PHC3: variants seen among roughly 807,000 people sequenced by gnomAD.
PHC3 encodes the protein polyhomeotic-like protein 3.
PHC3 carries 13 observed loss-of-function variants against 107.4 expected under a neutral mutation model. That is an observed-to-expected ratio of 0.12 (90% CI 0.08 to 0.19). The LOEUF is 0.19. PHC3 is among the 10% of genes least tolerant of loss of function. PHC3 has a pLI of 1.00. For synonymous variants in PHC3, 456 were observed against 427.4 expected, an observed-to-expected ratio of 1.07 and a Z score of -0.83; for missense variants, 992 against 1,210.9, an observed-to-expected ratio of 0.82 and a Z score of 2.68.
At chr3:170,166,965 C>G (rs991773823) in intron 4 of PHC3, among the ~76,000 whole-genome samples, 2 of 152,114 alleles carry the variant, frequency 1.3e-5, no homozygotes, top group South Asian at 2.1e-4. Flanking sequence ...GGGGCATGTA[C>G]GTTTTAAAGT....
intron 2 of PHC3, among the ~76,000 whole-genome samples, chr3:170,176,108 C>T (rs1730422859): frequency 6.6e-6 from 1 of 151,424 alleles, no homozygotes; most frequent in African/African-American, 2.4e-5. Context: ...TGCCTGTAGT[C>T]CCAGCTGTTC....
chr3:170,109,805 T>C (rs1217606789), intron 11 of PHC3, among the ~76,000 whole-genome samples: 6 of 152,134 alleles, frequency 3.9e-5, no homozygotes, highest in Non-Finnish European at 2.9e-5. Flanking sequence ...CAGTTTATCC[T>C]TTATATGCTT....
Position 170,122,577 on chromosome 3 carries a change from T to C in PHC3, c.1942+14A>G. On this transcript the variant is annotated intron_variant, in intron 9 of 14. Transcript: ENST00000495893. ...CAAATAGAAAAATTCCCACAAATTT[T>C]GGTATTTTCTCACCTAACAAAGGAT... The C allele has an allele frequency of 6.2e-7, 1 of 1,612,304 alleles. No individual in the cohort carries two copies. Among genetic ancestry groups the C allele is most frequent in the South Asian group, 1.1e-5 (1 of 91,000 alleles).
At chr3:170,140,231 G>A (rs923848395) in intron 6 of PHC3, among the ~76,000 whole-genome samples, 2 of 149,286 alleles carry the variant, frequency 1.3e-5, no homozygotes, top group African/African-American at 4.9e-5. Flanking sequence ...GAAAAAAACA[G>A]CCCTTTGGAT....
At chr3:170,154,376 A>G (rs960153888) in intron 4 of PHC3, among the ~76,000 whole-genome samples, 1 of 152,190 alleles carries the variant, frequency 6.6e-6, no homozygotes, top group African/African-American at 2.4e-5. Flanking sequence ...CTTTTTTAAT[A>G]TCCTGATAGC....
chr3:170,144,187 A>G (rs1724583780), intron 6 of PHC3, among the ~76,000 whole-genome samples: 1 of 151,622 alleles, frequency 6.6e-6, no homozygotes, highest in Non-Finnish European at 1.5e-5. Context: ...AAAAAAGAAA[A>G]AAAATTAGCC....
At chr3:170,178,180 G>T (rs1730809589) in intron 2 of PHC3, among the ~76,000 whole-genome samples, 1 of 136,626 alleles carries the variant, frequency 7.3e-6, no homozygotes, top group Non-Finnish European at 1.5e-5. Flanking sequence ...GTCTCGTTCT[G>T]TCGCTCAGGC....
At chr3:170,133,816 A>C (rs1341442132) in intron 7 of PHC3, among the ~76,000 whole-genome samples, 2 of 152,182 alleles carry the variant, frequency 1.3e-5, no homozygotes, top group African/African-American at 2.4e-5. Context: ...AATAAGCTGC[A>C]ATTCAGAACC....
intron 9 of PHC3, among the ~76,000 whole-genome samples, chr3:170,121,473 T>C (rs1298786785): frequency 6.6e-6 from 1 of 152,216 alleles, no homozygotes; most frequent in Admixed American, 6.5e-5. Context: ...ATACGGGATA[T>C]TTGTTTGAAC....
In PHC3 at chr3:170,090,031, A is replaced by G. The variant is rs1002500172; in HGVS notation, c.*7199T>C. The G allele has an allele frequency of 6.6e-5, 10 of 151,788 alleles. No individual in the cohort carries two copies. The highest frequency in any genetic ancestry group is 2.4e-4 in the African/African-American group (10 of 41,326). The allele number at this position is 151,788 out of a possible 1,614,324, so 9.4% of individuals were successfully genotyped here. On this transcript the variant is annotated 3_prime_UTR_variant, in exon 15 of 15. Coordinates refer to ENST00000495893, the MANE Select transcript of PHC3 (RefSeq NM_024947.4). ...TTTTGTTCTGCCACATGCCTTGTATAGCAACAACTCTGGAATAGAGTCAAG... is the reference window on the plus strand; with the variant it reads ...TTTTGTTCTGCCACATGCCTTGTATGGCAACAACTCTGGAATAGAGTCAAG...
chr3:170,180,738 G>A (rs1026866930), intron 1 of PHC3, among the ~76,000 whole-genome samples: 25 of 152,062 alleles, frequency 1.6e-4, no homozygotes, highest in African/African-American at 5.1e-4. Flanking sequence ...CTTAAGTTCT[G>A]GTTTTTTAAA....
At chr3:170,164,604 A>C (rs1462055927) in intron 4 of PHC3, among the ~76,000 whole-genome samples, 2 of 152,194 alleles carry the variant, frequency 1.3e-5, no homozygotes, top group African/African-American at 2.4e-5. Context: ...AAACCTCAGA[A>C]GACCCCAAAA....
chr3:170,171,196 A>G (rs898866063), intron 4 of PHC3, 177 bp downstream of exon 4: 7 of 576,072 alleles, frequency 1.2e-5, no homozygotes, highest in East Asian at 6.0e-5. Context: ...TCAGATTTTC[A>G]TAAGTTTAAC....
chr3:170,125,263 A>C (rs1024922701), intron 8 of PHC3, among the ~76,000 whole-genome samples: 1 of 152,166 alleles, frequency 6.6e-6, no homozygotes, highest in Non-Finnish European at 1.5e-5. Context: ...GATAATGCCC[A>C]ATATAGGTAA....
Position 170,123,572 on chromosome 3 carries a change from G to A in PHC3, c.1789-828C>T, listed in dbSNP as rs998971480. ...GGGAGGCTGAGGTGGGTGGATCACC[G>A]GAGGTCAGGAGTTCCACAACAGCCT... On this transcript the variant is annotated intron_variant, in intron 8 of 14. Coordinates refer to ENST00000495893, the MANE Select transcript of PHC3 (RefSeq NM_024947.4). Among the ~76,000 whole-genome samples the A allele has an allele frequency of 1.1e-4, 17 of 152,004 alleles. 1 individual carries two copies.
intron 4 of PHC3, among the ~76,000 whole-genome samples, chr3:170,153,639 T>C (rs1392322696): frequency 1.3e-5 from 2 of 151,794 alleles, no homozygotes; most frequent in East Asian, 3.9e-4. Context: ...GGCGGGTGCC[T>C]GTAGTCCCAG....
rs972547648 is a variant in PHC3 at position 170,091,903 on chromosome 3, A to C, written c.*5327T>G. ...TTCCAAAGAAGGTAATCTAATTTTAAATTTATTTGAAGAAAGCTTATATAA... is the reference window on the plus strand; with the variant it reads ...TTCCAAAGAAGGTAATCTAATTTTACATTTATTTGAAGAAAGCTTATATAA... On this transcript the variant is annotated 3_prime_UTR_variant, in exon 15 of 15. Coordinates refer to ENST00000495893, the MANE Select transcript of PHC3 (RefSeq NM_024947.4). 1.3e-5 allele frequency: 2 copies of C among 152,358 alleles called. No individual in the cohort carries two copies. Among genetic ancestry groups the C allele is most frequent in the African/African-American group, 4.8e-5 (2 of 41,586 alleles). 9.4% of individuals were successfully genotyped at this position (152,358 alleles called of 1,614,324 possible).
chr3:170,149,643 AC>A (rs1001427963), intron 4 of PHC3, among the ~76,000 whole-genome samples: 4 of 151,982 alleles, frequency 2.6e-5, no homozygotes, highest in African/African-American at 9.7e-5. Context: ...TTTATTAGAG[AC>A]GGGGTTTCTC....
Position 170,091,627 on chromosome 3 carries a change from G to GTAGAAAA in PHC3, c.*5596_*5602dup, listed in dbSNP as rs1314065829. The GTAGAAAA allele has an allele frequency of 6.6e-6, 1 of 152,162 alleles. No individual in the cohort carries two copies. Among genetic ancestry groups the GTAGAAAA allele is most frequent in the Non-Finnish European group, 1.5e-5 (1 of 68,028 alleles). The allele number at this position is 152,162 out of a possible 1,614,324, so 9.4% of individuals were successfully genotyped here. ...GGAAGGGGTGTGTGCATGTGTCTGA[G>GTAGAAAA]TAGAAAAGCTGATCTTCAGAGCTGA... On this transcript the variant is annotated 3_prime_UTR_variant, in exon 15 of 15. Coordinates refer to ENST00000495893, the MANE Select transcript of PHC3 (RefSeq NM_024947.4).
Sources: allele counts gnomAD v4.1 joint callset (sites outside exome capture counted in the v4.1 genomes callset), GRCh38; gene constraint gnomAD v4.1.1; transcripts MANE v1.5; gene names NCBI Gene and HGNC (gene_info 2026-07-23, HGNC 2026-07-21).